MAPK14: variants seen among roughly 807,000 people sequenced by gnomAD.
MAPK14 encodes the protein mitogen-activated protein kinase 14, also known as CSAID-binding protein.
Under a neutral mutation model 49.6 loss-of-function variants are expected in MAPK14, and 16 were observed. The observed-to-expected ratio is 0.32, with a 90% CI of 0.22 to 0.49. The LOEUF is 0.49. Ranked by LOEUF, MAPK14 falls within the 20% of genes least tolerant of loss-of-function variation. MAPK14 has a pLI of 0.99. For synonymous variants in MAPK14, 142 were observed against 158.0 expected (o/e 0.90, Z 0.76); for missense variants, 200 against 441.2 (o/e 0.45, Z 4.90).
At chr6:36,123,642 G>A in the MAPK14 span, among the ~76,000 whole-genome samples, 3 of 152,350 alleles carry the variant, frequency 2.0e-5, no homozygotes, top group Non-Finnish European at 2.9e-5. Flanking sequence ...CAGTGCCAGG[G>A]GGCTCAGCAG....
chr6:36,061,447 T>C (rs1057189726), intron 3 of MAPK14, among the ~76,000 whole-genome samples: 4 of 152,236 alleles, frequency 2.6e-5, no homozygotes, highest in Admixed American at 6.5e-5. Context: ...ACCTTTGAAC[T>C]AAGGTTTCAT....
At chr6:36,042,053 CA>C (rs35626564) in intron 1 of MAPK14, among the ~76,000 whole-genome samples, 89,179 of 151,338 alleles carry the variant, frequency 0.59, 27,006 homozygotes, top group South Asian at 0.73. Flanking sequence ...AAACATAAAC[CA>C]AGAGAATAGA....
At chr6:36,044,286 G>A (rs1763086834) in intron 1 of MAPK14, among the ~76,000 whole-genome samples, 1 of 151,968 alleles carries the variant, frequency 6.6e-6, no homozygotes, top group African/African-American at 2.4e-5. Flanking sequence ...AATCACTTAC[G>A]ATCCCCACAA....
At chr6:36,029,856 T>C (rs992328689) in intron 1 of MAPK14, among the ~76,000 whole-genome samples, 2 of 133,674 alleles carry the variant, frequency 1.5e-5, no homozygotes, top group Non-Finnish European at 3.2e-5. Flanking sequence ...GTGTGTGTAG[T>C]TGGTTTGCAG....
At chr6:36,073,498 C>T (rs138432832) in intron 4 of MAPK14, among the ~76,000 whole-genome samples, 193 bp from the exon 5 acceptor site, 1 of 152,318 alleles carries the variant, frequency 6.6e-6, no homozygotes, top group African/African-American at 2.4e-5. Context: ...AAAAGCTCAA[C>T]TGAGTGGAGT....
At chr6:36,051,569 C>T (rs1391175043) in intron 1 of MAPK14, among the ~76,000 whole-genome samples, 1 of 152,194 alleles carries the variant, frequency 6.6e-6, no homozygotes, top group Admixed American at 6.5e-5. Context: ...CTCACTCCAG[C>T]ATGCCATACG....
At chr6:36,084,067 A>G (rs1052487174) in intron 8 of MAPK14, among the ~76,000 whole-genome samples, 1 of 152,212 alleles carries the variant, frequency 6.6e-6, no homozygotes, top group Admixed American at 6.5e-5. Context: ...CCAGGCAAAG[A>G]GTCTGGAGTG....
chr6:36,123,023 G>A, the MAPK14 span, among the ~76,000 whole-genome samples: 24,838 of 151,976 alleles, frequency 0.16, 2,086 homozygotes, highest in African/African-American at 0.18. Flanking sequence ...GGTTAGTGGG[G>A]TGAGTGGATC....
chr6:36,076,001 C>A (rs1400104224), intron 7 of MAPK14, 39 bp downstream of exon 7: 7 of 1,604,872 alleles, frequency 4.4e-6, no homozygotes, highest in Non-Finnish European at 5.1e-6. Context: ...TTATTTAATT[C>A]CATGTTGGAT....
Position 36,027,951 on chromosome 6 carries a change from G to A in MAPK14, c.-207G>A. 4.6e-6 allele frequency: 2 copies of A among 432,984 alleles called. No individual in the cohort carries two copies. Among genetic ancestry groups the A allele is most frequent in the Non-Finnish European group, 8.0e-6 (2 of 249,840 alleles). The allele number at this position is 432,984 out of a possible 1,614,324, so 26.8% of individuals were successfully genotyped here. Reference sequence around the variant, plus strand: ...CGCGTCCCTGCCCTTAGCGGGGCTTGCCCCAGTCGCAGGGGCACATCCAGC... The same window carrying A: ...CGCGTCCCTGCCCTTAGCGGGGCTTACCCCAGTCGCAGGGGCACATCCAGC... On this transcript the variant is annotated 5_prime_UTR_variant, in exon 1 of 12. Coordinates refer to ENST00000229794, the MANE Select transcript of MAPK14 (RefSeq NM_139012.3).
intron 1 of MAPK14, among the ~76,000 whole-genome samples, chr6:36,033,051 A>G (rs1338480965): frequency 2.0e-5 from 3 of 151,984 alleles, no homozygotes; most frequent in African/African-American, 7.3e-5. Flanking sequence ...TAAGTATACA[A>G]GGGTGACTTT....
At chr6:36,073,909 G>T in intron 5 of MAPK14, 140 bp from the exon 6 acceptor site, 1 of 857,288 alleles carries the variant, frequency 1.2e-6, no homozygotes, top group South Asian at 1.5e-5. Context: ...AACTTGGACT[G>T]GATATTGACT....
rs1011677295 is a variant in MAPK14 at position 36,045,412 on chromosome 6, T to C, written c.117-7287T>C. On this transcript the variant is annotated intron_variant, in intron 1 of 11. Transcript: ENST00000229794. ...TCCTGAGTACCTGGTTGGTTTTTATTGTATGGCTTCTGTGATTCATGTCCT... is the reference window on the plus strand; with the variant it reads ...TCCTGAGTACCTGGTTGGTTTTTATCGTATGGCTTCTGTGATTCATGTCCT... 3.9e-5 allele frequency among the ~76,000 whole-genome samples: 6 copies of C among 152,192 alleles called. 1 individual carries two copies. The highest frequency in any genetic ancestry group is 2.1e-4 in the South Asian group (1 of 4,828).
At chr6:36,088,716 C>T (rs184912313) in intron 8 of MAPK14, among the ~76,000 whole-genome samples, 31 of 144,256 alleles carry the variant, frequency 2.1e-4, no homozygotes, top group Admixed American at 1.4e-4. Flanking sequence ...AGCGAGACTC[C>T]GTCTCAAAAA....
At chr6:36,088,952 G>A (rs1208077289) in intron 8 of MAPK14, among the ~76,000 whole-genome samples, 2 of 152,262 alleles carry the variant, frequency 1.3e-5, no homozygotes, top group East Asian at 1.9e-4. Flanking sequence ...CTTTTACACC[G>A]TTGGTAGGAA....
intron 2 of MAPK14, among the ~76,000 whole-genome samples, chr6:36,057,894 C>G (rs1394788584): frequency 6.6e-6 from 1 of 152,156 alleles, no homozygotes; most frequent in African/African-American, 2.4e-5. Context: ...TAACCAGATA[C>G]TCTCAAATAT....
intron 8 of MAPK14, among the ~76,000 whole-genome samples, chr6:36,094,518 G>T (rs1350455443): frequency 1.3e-5 from 2 of 152,226 alleles, no homozygotes; most frequent in Admixed American, 6.5e-5. Flanking sequence ...ATGTCTGAAA[G>T]AAAGTAAAAG....
At chr6:36,041,203 T>C (rs1393435403) in intron 1 of MAPK14, among the ~76,000 whole-genome samples, 1 of 152,002 alleles carries the variant, frequency 6.6e-6, no homozygotes, top group African/African-American at 2.4e-5. Flanking sequence ...TGTATACATC[T>C]TAACATTTAT....
In MAPK14 at chr6:36,110,473, A is replaced by G. The variant is rs1562159701; in HGVS notation, c.*2026A>G. On this transcript the variant is annotated 3_prime_UTR_variant, in exon 12 of 12. Coordinates refer to ENST00000229794, the MANE Select transcript of MAPK14 (RefSeq NM_139012.3). Reference sequence around the variant, plus strand: ...AATGCTCGTGTGATTTCCTACAGAAATACTGCTCTGAATATTTTGTAATAA... The same window carrying G: ...AATGCTCGTGTGATTTCCTACAGAAGTACTGCTCTGAATATTTTGTAATAA... 6.5e-6 allele frequency: 1 copy of G among 152,682 alleles called. No individual in the cohort carries two copies. The highest frequency in any genetic ancestry group is 1.9e-4 in the East Asian group (1 of 5,204). The allele number at this position is 152,682 out of a possible 1,614,324, so 9.5% of individuals were successfully genotyped here.
Sources: allele counts gnomAD v4.1 joint callset (sites outside exome capture counted in the v4.1 genomes callset), GRCh38; gene constraint gnomAD v4.1.1; transcripts MANE v1.5; gene names NCBI Gene and HGNC (gene_info 2026-07-23, HGNC 2026-07-21).